APBA1: variants seen among roughly 807,000 people sequenced by gnomAD.
The protein encoded by APBA1 is amyloid beta precursor protein binding family A member 1.
In APBA1, 55 loss-of-function variants were observed where a neutral mutation model predicts 86.6. That is an observed-to-expected ratio of 0.64 (90% CI 0.51 to 0.80). The LOEUF (loss-of-function observed/expected upper bound fraction) is 0.80. Ranked by LOEUF, APBA1 falls within the 30% of genes least tolerant of loss-of-function variation. The pLI is 0.00. For missense variants in APBA1, 1,090 were observed against 1,183.0 expected, an observed-to-expected ratio of 0.92 and a Z score of 1.15; for synonymous variants, 511 against 493.9, an observed-to-expected ratio of 1.03 and a Z score of -0.46.
At chr9:69,598,368 G>A (rs1326150118) in intron 1 of APBA1, among the ~76,000 whole-genome samples, 1 of 151,962 alleles carries the variant, frequency 6.6e-6, no homozygotes, top group Non-Finnish European at 1.5e-5. Context: ...CACCAGCATG[G>A]CACATGTATA....
At chr9:69,454,947 C>T (rs1835070677) in intron 8 of APBA1, among the ~76,000 whole-genome samples, 1 of 152,158 alleles carries the variant, frequency 6.6e-6, no homozygotes, top group South Asian at 2.1e-4. Context: ...ATTTCAAGCT[C>T]TCTGTTCTCC....
intron 1 of APBA1, among the ~76,000 whole-genome samples, chr9:69,651,756 G>C (rs775997264): frequency 1.3e-5 from 2 of 152,218 alleles, no homozygotes; most frequent in African/African-American, 4.8e-5. Flanking sequence ...GATTACCGGC[G>C]TGAGCCACCA....
chr9:69,647,089 C>G (rs1337892954), intron 1 of APBA1, among the ~76,000 whole-genome samples: 1 of 152,134 alleles, frequency 6.6e-6, no homozygotes. Context: ...AACTCCCTAC[C>G]AGGATTCAGT....
At chr9:69,452,763 G>A (rs1303694298) in intron 8 of APBA1, among the ~76,000 whole-genome samples, 3 of 152,154 alleles carry the variant, frequency 2.0e-5, no homozygotes, top group Non-Finnish European at 2.9e-5. Context: ...GAATAATACC[G>A]TCTGAATTGA....
chr9:69,434,539 T>A (rs1834664036), intron 11 of APBA1, among the ~76,000 whole-genome samples: 1 of 152,026 alleles, frequency 6.6e-6, no homozygotes, highest in African/African-American at 2.4e-5. Context: ...AAACCATGCC[T>A]CTACTAAAAA....
At position 69,635,292 on chromosome 9, in the gene APBA1, G is replaced by A. The variant is rs141452366; in HGVS notation, c.-70+36861C>T. On this transcript the variant is annotated intron_variant, in intron 1 of 12. Transcript: ENST00000265381. The stretch of plus-strand genomic sequence containing the variant: ...GTTTATGCAATTGGTGTTAAGTTGT[G>A]ATCAGTTTAAAATAATGAGTGTATT... 7.2e-5 allele frequency among the ~76,000 whole-genome samples: 11 copies of A among 152,176 alleles called. No homozygotes were observed. In the South Asian group the frequency reaches 2.3e-3, roughly 32 times the overall value.
intron 1 of APBA1, among the ~76,000 whole-genome samples, chr9:69,555,932 G>A (rs1170837603): frequency 1.2e-4 from 18 of 151,962 alleles, no homozygotes; most frequent in Admixed American, 1.2e-3. Context: ...ATCTGTTAAA[G>A]TTTGTTTATG....
At chr9:69,489,972 T>C (rs1835677076) in intron 2 of APBA1, among the ~76,000 whole-genome samples, 2 of 152,132 alleles carry the variant, frequency 1.3e-5, no homozygotes, top group Non-Finnish European at 1.5e-5. Flanking sequence ...ATCCCATTAC[T>C]GGGTATATAC....
intron 1 of APBA1, among the ~76,000 whole-genome samples, chr9:69,606,685 G>C (rs1822481817): frequency 2.0e-5 from 3 of 151,684 alleles, no homozygotes; most frequent in African/African-American, 7.3e-5. Context: ...GTAGAGACAG[G>C]GTTTCACCGT....
At chr9:69,649,574 C>T (rs1339734816) in intron 1 of APBA1, among the ~76,000 whole-genome samples, 1 of 152,196 alleles carries the variant, frequency 6.6e-6, no homozygotes, top group African/African-American at 2.4e-5. Flanking sequence ...TGCCTGTCTC[C>T]TGTGCTTAAC....
chr9:69,530,329 T>TACACACACACAC (rs1215038586), intron 1 of APBA1, among the ~76,000 whole-genome samples: 1 of 127,544 alleles, frequency 7.8e-6, no homozygotes, highest in African/African-American at 2.9e-5. Context: ...TATATATATA[T>TACACACACACAC]ACACACACAC....
intron 10 of APBA1, among the ~76,000 whole-genome samples, chr9:69,446,642 C>T (rs931952507): frequency 1.3e-5 from 2 of 152,226 alleles, no homozygotes; most frequent in Non-Finnish European, 1.5e-5. Flanking sequence ...AGCCTCACTG[C>T]TTCCCTCCTC....
chr9:69,630,910 GT>G (rs1482251416), intron 1 of APBA1, among the ~76,000 whole-genome samples: 1 of 152,216 alleles, frequency 6.6e-6, no homozygotes, highest in African/African-American at 2.4e-5. Flanking sequence ...ACTACAGTCA[GT>G]AAAGAAGATA....
chr9:69,655,454 G>A (rs950937988), intron 1 of APBA1, among the ~76,000 whole-genome samples: 6 of 150,696 alleles, frequency 4.0e-5, no homozygotes, highest in African/African-American at 1.2e-4. Flanking sequence ...CAAACTATTC[G>A]AAAAAAAATC....
At chr9:69,616,501 A>C (rs1822703756) in intron 1 of APBA1, among the ~76,000 whole-genome samples, 1 of 152,190 alleles carries the variant, frequency 6.6e-6, no homozygotes, top group African/African-American at 2.4e-5. Context: ...TTTCCTTTTT[A>C]AACTTTGTAC....
At chr9:69,435,825 G>T (rs9776833) in intron 11 of APBA1, among the ~76,000 whole-genome samples, 28,205 of 152,002 alleles carry the variant, frequency 0.19, 2,741 homozygotes, top group South Asian at 0.3. Context: ...TATGGCTTTT[G>T]TTGCCATTGC....
chr9:69,551,008 C>G (rs1456555295), intron 1 of APBA1, among the ~76,000 whole-genome samples: 1 of 152,064 alleles, frequency 6.6e-6, no homozygotes, highest in Non-Finnish European at 1.5e-5. Flanking sequence ...TATCTTAAAA[C>G]CTTATCAGGA....
At chr9:69,574,359 C>T (rs181111711) in intron 1 of APBA1, among the ~76,000 whole-genome samples, 1 of 152,340 alleles carries the variant, frequency 6.6e-6, no homozygotes, top group African/African-American at 2.4e-5. Context: ...GCTTCTCCAA[C>T]CAGTTTCCCC....
chr9:69,612,955 T>C (rs1588393370), intron 1 of APBA1, among the ~76,000 whole-genome samples: 1 of 152,192 alleles, frequency 6.6e-6, no homozygotes, highest in African/African-American at 2.4e-5. Flanking sequence ...GAAAATGTTG[T>C]GTGGTAGATT....
Sources: gnomAD v4.1 joint callset for allele counts (sites outside exome capture counted in the v4.1 genomes callset) on GRCh38, gnomAD v4.1.1 for gene constraint, MANE v1.5 for transcripts, NCBI Gene and HGNC (gene_info 2026-07-23, HGNC 2026-07-21) for gene names.